SLC9A9: variants seen among roughly 807,000 people sequenced by gnomAD.
SLC9A9 encodes the protein solute carrier family 9 member A9, also known as sodium/hydrogen exchanger 9.
In SLC9A9, 62 loss-of-function variants were observed where a neutral mutation model predicts 77.8. That is an observed-to-expected ratio of 0.80 (90% CI 0.65 to 0.98). The LOEUF is 0.98. Ranked by LOEUF, SLC9A9 falls within the 50% of genes least tolerant of loss-of-function variation. The pLI is 0.00. For synonymous variants in SLC9A9, 320 were observed against 283.5 expected, an observed-to-expected ratio of 1.13 and a Z score of -1.29; for missense variants, 775 against 774.9, an observed-to-expected ratio of 1.00 and a Z score of 0.00.
At chr3:143,343,741 T>C (rs960598468) in intron 14 of SLC9A9, 1 of 152,192 alleles carries the variant, frequency 6.6e-6, no homozygotes, top group African/African-American at 2.4e-5. Flanking sequence ...AATATTTACC[T>C]AGTACTGCTG....
At chr3:143,508,003 C>G (rs904807430) in intron 9 of SLC9A9, among the ~76,000 whole-genome samples, 1 of 152,130 alleles carries the variant, frequency 6.6e-6, no homozygotes, top group Non-Finnish European at 1.5e-5. Context: ...CTCCAAATAC[C>G]ATTAAATTGG....
At chr3:143,820,133 T>C (rs2009128871) in intron 2 of SLC9A9, among the ~76,000 whole-genome samples, 1 of 152,246 alleles carries the variant, frequency 6.6e-6, no homozygotes, top group Non-Finnish European at 1.5e-5. Flanking sequence ...ACAAAGTAGT[T>C]AGGAATTTGA....
At chr3:143,488,018 A>C (rs2035679984) in intron 11 of SLC9A9, among the ~76,000 whole-genome samples, 2 of 151,974 alleles carry the variant, frequency 1.3e-5, no homozygotes, top group African/African-American at 2.4e-5. Flanking sequence ...AAAAGAGAGA[A>C]GATTCAAGTT....
intron 8 of SLC9A9, among the ~76,000 whole-genome samples, chr3:143,556,196 G>A (rs899624746): frequency 1.3e-5 from 2 of 152,186 alleles, no homozygotes; most frequent in Admixed American, 1.3e-4. Flanking sequence ...TGTTATGTGA[G>A]GTCCTAGATA....
chr3:143,830,131 T>C (rs79214957), intron 2 of SLC9A9, among the ~76,000 whole-genome samples: 1 of 152,208 alleles, frequency 6.6e-6, no homozygotes, highest in Non-Finnish European at 1.5e-5. Flanking sequence ...GCAACAAATA[T>C]GTATAGTGAC....
intron 2 of SLC9A9, among the ~76,000 whole-genome samples, chr3:143,797,649 C>A (rs1337757921): frequency 6.6e-6 from 1 of 152,058 alleles, no homozygotes; most frequent in African/African-American, 2.4e-5. Context: ...TGAAAATGGC[C>A]TGTTCCTGCC....
intron 4 of SLC9A9, among the ~76,000 whole-genome samples, chr3:143,711,046 ATGT>A (rs1385276942): frequency 5.3e-5 from 8 of 152,236 alleles, no homozygotes; most frequent in Non-Finnish European, 8.8e-5. Context: ...GTTTTAAAAT[ATGT>A]TATTATTAGT....
chr3:143,414,211 C>T (rs1170670188), intron 12 of SLC9A9, among the ~76,000 whole-genome samples: 3 of 152,134 alleles, frequency 2.0e-5, no homozygotes, highest in Non-Finnish European at 2.9e-5. Context: ...TACATGTGTG[C>T]ACCTGTATAG....
At chr3:143,836,543 C>T (rs1310286561) in intron 1 of SLC9A9, among the ~76,000 whole-genome samples, 1 of 152,176 alleles carries the variant, frequency 6.6e-6, no homozygotes, top group Non-Finnish European at 1.5e-5. Context: ...GAGTGTTCAA[C>T]ATAACTCTTA....
At chr3:143,651,283 ATATAAG>A (rs1319672253) in intron 6 of SLC9A9, among the ~76,000 whole-genome samples, 5 of 152,280 alleles carry the variant, frequency 3.3e-5, no homozygotes, top group African/African-American at 1.2e-4. Flanking sequence ...GCCAGGTGAA[ATATAAG>A]TATATTTGGA....
chr3:143,844,749 CTTTCTTTCTTTCT>C (rs2009791348), intron 1 of SLC9A9, among the ~76,000 whole-genome samples: 1 of 146,500 alleles, frequency 6.8e-6, no homozygotes, highest in South Asian at 2.3e-4. Context: ...TTCTTTCTTT[CTTTCTTTCTTTCT>C]TTCTTTCTTT....
intron 12 of SLC9A9, among the ~76,000 whole-genome samples, chr3:143,421,861 G>C (rs1236919132): frequency 6.6e-6 from 1 of 152,086 alleles, no homozygotes. Flanking sequence ...TCTAATACCA[G>C]AATCTACAGG....
At chr3:143,446,056 G>A (rs1192109315) in intron 12 of SLC9A9, among the ~76,000 whole-genome samples, 1 of 152,002 alleles carries the variant, frequency 6.6e-6, no homozygotes, top group Non-Finnish European at 1.5e-5. Context: ...GCAGAGAATG[G>A]GGCTGTAGCT....
chr3:143,818,318 A>T lies in SLC9A9; in HGVS notation c.378+13701T>A, dbSNP rs180691119. On this transcript the variant is annotated intron_variant, in intron 2 of 15. Transcript: ENST00000316549. ...GGACTCAGACTTGTTATATATATAT[A>T]TTTTTTGAAACAGAGTCTTGCTCTG... Among the ~76,000 whole-genome samples, 1,491 of 152,128 alleles carry T rather than the reference A, an allele frequency of 9.8e-3. 13 individuals carry two copies. The highest frequency in any genetic ancestry group is 0.015 in the Non-Finnish European group (1,034 of 67,982).
chr3:143,417,450 A>G (rs1413153808), intron 12 of SLC9A9, among the ~76,000 whole-genome samples: 1 of 137,714 alleles, frequency 7.3e-6, no homozygotes, highest in Non-Finnish European at 1.5e-5. Context: ...CTTATAAGAG[A>G]GAGGGAGGGG....
intron 14 of SLC9A9, among the ~76,000 whole-genome samples, chr3:143,332,687 G>A (rs1313983829): frequency 6.6e-6 from 1 of 152,186 alleles, no homozygotes; most frequent in Non-Finnish European, 1.5e-5. Context: ...AGATCCACTT[G>A]TCTGTAAATC....
rs530065211 is a variant in SLC9A9, at chr3:143,355,202, T to C, written c.1604+8282A>G. Among the ~76,000 whole-genome samples the C allele has an allele frequency of 3.1e-3, 472 of 152,314 alleles. 1 individual carries two copies. Among genetic ancestry groups the C allele is most frequent in the African/African-American group, 0.011 (446 of 41,566 alleles). On this transcript the variant is annotated intron_variant, in intron 14 of 15. Coordinates refer to ENST00000316549, the MANE Select transcript of SLC9A9 (RefSeq NM_173653.4). The stretch of plus-strand genomic sequence containing the variant: ...TTTCCTTTATGGAAACTAAAGACTT[T>C]GAAATGGTATTAAAATACAGCTGTT...
At chr3:143,618,292 G>T (rs2038141516) in intron 6 of SLC9A9, among the ~76,000 whole-genome samples, 1 of 152,164 alleles carries the variant, frequency 6.6e-6, no homozygotes, top group African/African-American at 2.4e-5. Context: ...TAAATACATT[G>T]GGAGCTTTGG....
chr3:143,320,772 T>C (rs1223443866), intron 14 of SLC9A9, among the ~76,000 whole-genome samples: 3 of 152,216 alleles, frequency 2.0e-5, no homozygotes, highest in Non-Finnish European at 4.4e-5. Flanking sequence ...TGTTCAAGCC[T>C]TAACCCCTAA....
Sources: gnomAD v4.1 joint callset for allele counts (sites outside exome capture counted in the v4.1 genomes callset) on GRCh38, gnomAD v4.1.1 for gene constraint, MANE v1.5 for transcripts, NCBI Gene and HGNC (gene_info 2026-07-23, HGNC 2026-07-21) for gene names.